The following CABIN1 variants were observed in gnomAD, a reference collection of about 807,000 sequenced individuals.
CABIN1 encodes the protein calcineurin-binding protein cabin-1.
Under a neutral mutation model 227.7 loss-of-function variants are expected in CABIN1, and 133 were observed. The observed-to-expected ratio is 0.58, with a 90% CI of 0.51 to 0.67. CABIN1 has a LOEUF of 0.67. CABIN1 is among the 30% of genes least tolerant of loss of function. CABIN1 has a pLI of 0.00. For synonymous variants in CABIN1, 1,086 were observed against 1,155.1 expected (o/e 0.94, Z 1.21); for missense variants, 2,408 against 2,852.5 (o/e 0.84, Z 3.55).
Position 24,177,923 on chromosome 22 carries a change from A to C in CABIN1, c.6519+106A>C. Reference sequence around the variant, plus strand: ...GGCAGGAGGGCCTGGGGTGTGGGTGAGGATGGCATAGGGGCCTGGGGCAGG... The same window carrying C: ...GGCAGGAGGGCCTGGGGTGTGGGTGCGGATGGCATAGGGGCCTGGGGCAGG... On this transcript the variant is annotated intron_variant, in intron 36 of 36. Coordinates refer to ENST00000263119, the MANE Select transcript of CABIN1 (RefSeq NM_012295.4). The surrounding 1 kb of genome is among the most constrained non-coding windows in gnomAD (Gnocchi z 4.4). 9.4e-7 allele frequency: 1 copy of C among 1,064,020 alleles called. No individual in the cohort carries two copies. 65.9% of individuals were successfully genotyped at this position (1,064,020 alleles called of 1,614,324 possible).
chr22:24,167,569 G>T (rs530683367), intron 32 of CABIN1, among the ~76,000 whole-genome samples: 1 of 152,242 alleles, frequency 6.6e-6, no homozygotes, highest in Non-Finnish European at 1.5e-5. Context: ...CCACCGCTGC[G>T]CTGGGCCTCT....
intron 19 of CABIN1, among the ~76,000 whole-genome samples, chr22:24,077,491 C>A (rs1025886879): frequency 1.3e-5 from 2 of 152,218 alleles, no homozygotes; most frequent in African/African-American, 4.8e-5. Context: ...GCCCAGGTCC[C>A]TGTTGCTGGT....
chr22:24,075,929 C>A (rs2040409445), intron 18 of CABIN1, among the ~76,000 whole-genome samples: 1 of 151,244 alleles, frequency 6.6e-6, no homozygotes, highest in Admixed American at 6.6e-5. Flanking sequence ...AAAGTGTGCT[C>A]CTTTATATTT....
chr22:24,058,559 G>T (rs2038967100), intron 10 of CABIN1, among the ~76,000 whole-genome samples: 1 of 152,198 alleles, frequency 6.6e-6, no homozygotes, highest in Admixed American at 6.5e-5. Context: ...CCACAGCTTT[G>T]TGAGGAGCCA....
chr22:24,136,711 C>T (rs975387679), intron 29 of CABIN1, among the ~76,000 whole-genome samples: 7 of 148,462 alleles, frequency 4.7e-5, no homozygotes, highest in African/African-American at 1.8e-4. Context: ...GTCTTTTTTA[C>T]TACAAACAAT....
At chr22:24,018,211 G>C (rs1435312888) in intron 1 of CABIN1, among the ~76,000 whole-genome samples, 1 of 151,866 alleles carries the variant, frequency 6.6e-6, no homozygotes, top group Non-Finnish European at 1.5e-5. Flanking sequence ...CCTTGTCAGT[G>C]GTATATGTTG....
intron 1 of CABIN1, among the ~76,000 whole-genome samples, chr22:24,013,047 C>T (rs946222123): frequency 2.0e-5 from 3 of 151,880 alleles, no homozygotes; most frequent in African/African-American, 2.4e-5. Context: ...AGGCGTCAGA[C>T]ACCGCGCCCG....
At chr22:24,042,703 C>G (rs1207037226) in intron 5 of CABIN1, among the ~76,000 whole-genome samples, 1 of 152,156 alleles carries the variant, frequency 6.6e-6, no homozygotes, top group Non-Finnish European at 1.5e-5. Flanking sequence ...GCTGGCATTA[C>G]TTGTCAGTTA....
intron 1 of CABIN1, 49 bp from the exon 2 acceptor site, chr22:24,035,395 T>C (rs938768933): frequency 7.5e-7 from 1 of 1,334,372 alleles, no homozygotes; most frequent in African/African-American, 1.4e-5. Context: ...ACTGTGACCT[T>C]CCTGGCTCTT....
intron 18 of CABIN1, 110 bp from the exon 19 acceptor site, chr22:24,076,059 A>C (rs1048838955): frequency 2.7e-6 from 2 of 732,932 alleles, no homozygotes; most frequent in East Asian, 2.7e-5. Flanking sequence ...GTCTGTAGTC[A>C]TGTTGATAAA....
At chr22:24,072,644 T>C (rs2040174209) in intron 18 of CABIN1, 134 bp downstream of exon 18, 2 of 1,105,736 alleles carry the variant, frequency 1.8e-6, no homozygotes, top group African/African-American at 1.5e-5. Flanking sequence ...GGATTTTGCA[T>C]GCGCTTGGAC....
At chr22:24,044,411 A>T (rs1045314007) in intron 6 of CABIN1, among the ~76,000 whole-genome samples, 1 of 152,102 alleles carries the variant, frequency 6.6e-6, no homozygotes, top group Non-Finnish European at 1.5e-5. Context: ...TACCTGATTA[A>T]ATCTGTGGTT....
intron 35 of CABIN1, 94 bp downstream of exon 35, chr22:24,176,369 C>T: frequency 2.2e-6 from 3 of 1,389,244 alleles, no homozygotes; most frequent in Non-Finnish European, 3.0e-6. Flanking sequence ...CCTTGAAGGG[C>T]AGGGCCTGGG....
At chr22:24,100,028 G>A (rs1286628531) in intron 26 of CABIN1, among the ~76,000 whole-genome samples, 1 of 152,252 alleles carries the variant, frequency 6.6e-6, no homozygotes, top group Non-Finnish European at 1.5e-5. Flanking sequence ...CATGACAACT[G>A]GGCATGACAG....
At chr22:24,018,933 C>T (rs977709545) in intron 1 of CABIN1, among the ~76,000 whole-genome samples, 1 of 151,960 alleles carries the variant, frequency 6.6e-6, no homozygotes, top group East Asian at 1.9e-4. Flanking sequence ...ACTTTAGTGT[C>T]TTTTAATAGT....
At chr22:24,155,301 C>T (rs1416048227) in intron 29 of CABIN1, among the ~76,000 whole-genome samples, 7 of 152,260 alleles carry the variant, frequency 4.6e-5, no homozygotes, top group East Asian at 1.9e-4. Context: ...GTACAGTACC[C>T]GCTTCCAGGC....
At chr22:24,017,874 G>A (rs138370253) in intron 1 of CABIN1, among the ~76,000 whole-genome samples, 13 of 151,554 alleles carry the variant, frequency 8.6e-5, no homozygotes, top group African/African-American at 2.4e-4. Flanking sequence ...GTTGTAAAAC[G>A]TTATTTATTT....
rs527882559 is a variant in CABIN1, at chr22:24,127,974, C to G, written c.4633-6328C>G. 9.9e-5 allele frequency among the ~76,000 whole-genome samples: 15 copies of G among 152,220 alleles called. No homozygotes were observed. In the South Asian group the frequency reaches 1.2e-3, roughly 13 times the overall value. ...TGTTGTGTGTGCACTGCAGGACTTT[C>G]AGCAATATCCCTGGTCTCTACCCAC... On this transcript the variant is annotated intron_variant, in intron 28 of 36. Coordinates refer to ENST00000263119, the MANE Select transcript of CABIN1 (RefSeq NM_012295.4).
In CABIN1 at chr22:24,108,326, A is replaced by G. The variant is rs1356671946; in HGVS notation, c.4118-5240A>G. On this transcript the variant is annotated intron_variant, in intron 26 of 36. Coordinates refer to ENST00000263119, the MANE Select transcript of CABIN1 (RefSeq NM_012295.4). ...CCCATTGCTAATCCTCCCTTTACACACAGCCAGCAAATGGGCTGCCCCACC... is the reference window on the plus strand; with the variant it reads ...CCCATTGCTAATCCTCCCTTTACACGCAGCCAGCAAATGGGCTGCCCCACC... 2.0e-5 allele frequency among the ~76,000 whole-genome samples: 3 copies of G among 152,106 alleles called. No individual in the cohort carries two copies. The East Asian group carries it at 5.8e-4, about 29-fold the overall frequency.
Sources: allele counts gnomAD v4.1 joint callset (sites outside exome capture counted in the v4.1 genomes callset), GRCh38; gene constraint gnomAD v4.1.1; non-coding constraint Gnocchi (gnomAD v3.1); transcripts MANE v1.5; gene names NCBI Gene and HGNC (gene_info 2026-07-23, HGNC 2026-07-21).